Variants in MAGI2 observed in about 807,000 individuals in gnomAD.
MAGI2 encodes membrane associated guanylate kinase, WW and PDZ domain containing 2.
MAGI2 carries 35 observed loss-of-function variants against 133.3 expected under a neutral mutation model. The ratio of observed to expected loss-of-function variants is 0.26; its 90% CI spans 0.20 to 0.35. MAGI2 has a LOEUF of 0.35. Among genes scored for constraint, MAGI2 ranks in the 10% least tolerant of loss-of-function variants. The probability of loss-of-function intolerance (pLI) is 1.00; values close to 1 mark genes in which losing one functional copy is unlikely to be tolerated. For synonymous variants in MAGI2, 729 were observed against 710.6 expected, an observed-to-expected ratio of 1.03 and a Z score of -0.41; for missense variants, 1,636 against 1,863.4, an observed-to-expected ratio of 0.88 and a Z score of 2.25.
chr7:78,230,497 T>A, intron 10 of MAGI2, among the ~76,000 whole-genome samples: 1 of 152,216 alleles, frequency 6.6e-6, no homozygotes, highest in East Asian at 1.9e-4. Context: ...TTTTAGAGAA[T>A]AACTTTCGTC....
Position 78,608,229 on chromosome 7 carries a change from T to A in MAGI2, c.538+18891A>T, listed in dbSNP as rs1216504825. ...TTTCACATCTTTGCTTTGGTGGGGGTGGAGTCATAGCATAACCCTTCAAAT... is the reference window on the plus strand; with the variant it reads ...TTTCACATCTTTGCTTTGGTGGGGGAGGAGTCATAGCATAACCCTTCAAAT... On this transcript the variant is annotated intron_variant, in intron 3 of 21. Coordinates refer to ENST00000354212, the MANE Select transcript of MAGI2 (RefSeq NM_012301.4). Among the ~76,000 whole-genome samples the A allele has an allele frequency of 2.0e-5, 3 of 151,802 alleles. No individual in the cohort carries two copies. The East Asian group carries it at 5.8e-4, about 29-fold the overall frequency.
intron 2 of MAGI2, among the ~76,000 whole-genome samples, chr7:78,655,454 CAAAAAAAAA>C: frequency 1.5e-5 from 1 of 64,950 alleles, no homozygotes; most frequent in East Asian, 5.2e-4. Context: ...AAAAAACAAC[CAAAAAAAAA>C]AAAAAAAAAA....
At chr7:78,932,341 T>C (rs1800199415) in intron 2 of MAGI2, among the ~76,000 whole-genome samples, 1 of 152,102 alleles carries the variant, frequency 6.6e-6, no homozygotes, top group Admixed American at 6.6e-5. Flanking sequence ...CTTATATTTT[T>C]CTATAGCACA....
At chr7:78,743,627 A>G (rs908660892) in intron 2 of MAGI2, among the ~76,000 whole-genome samples, 1 of 152,166 alleles carries the variant, frequency 6.6e-6, no homozygotes, top group Non-Finnish European at 1.5e-5. Flanking sequence ...AGACTGTAAT[A>G]TAATATCTGT....
intron 2 of MAGI2, among the ~76,000 whole-genome samples, chr7:78,819,640 G>C (rs1286392105): frequency 6.6e-6 from 1 of 152,030 alleles, no homozygotes; most frequent in Non-Finnish European, 1.5e-5. Flanking sequence ...ATGTGTATGT[G>C]TGTGTGTGCA....
chr7:78,745,533 A>T lies in MAGI2; in HGVS notation c.419-118294T>A, dbSNP rs189920130. On this transcript the variant is annotated intron_variant, in intron 2 of 21. Transcript: ENST00000354212. The stretch of plus-strand genomic sequence containing the variant: ...ATTGAAATATAGTTGATCTTGATTT[A>T]AAAAAAAAAACAACAACAACGTTAT... Among the ~76,000 whole-genome samples, 577 of 146,304 alleles carry T rather than the reference A, an allele frequency of 3.9e-3. 4 individuals carry two copies. Among genetic ancestry groups the T allele is most frequent in the African/African-American group, 0.013 (504 of 39,984 alleles).
intron 21 of MAGI2, among the ~76,000 whole-genome samples, chr7:78,037,052 G>C (rs914175500): frequency 6.6e-6 from 1 of 152,146 alleles, no homozygotes; most frequent in Admixed American, 6.5e-5. Context: ...AGAGAACCTG[G>C]TAGATCTGCC....
intron 1 of MAGI2, among the ~76,000 whole-genome samples, chr7:79,398,525 G>A (rs1032276825): frequency 6.6e-6 from 1 of 152,176 alleles, no homozygotes; most frequent in African/African-American, 2.4e-5. Context: ...AAGAATAATT[G>A]AACAGTGTAA....
intron 4 of MAGI2, among the ~76,000 whole-genome samples, chr7:78,507,280 A>C (rs1014742438): frequency 1.3e-5 from 2 of 152,218 alleles, no homozygotes; most frequent in Non-Finnish European, 2.9e-5. Context: ...ACCTAGGGAT[A>C]CGGTTTAATG....
At chr7:78,465,224 T>C (rs991936231) in intron 6 of MAGI2, among the ~76,000 whole-genome samples, 1 of 152,176 alleles carries the variant, frequency 6.6e-6, no homozygotes, top group African/African-American at 2.4e-5. Context: ...TTTGTACTGA[T>C]ATGAGCAGGT....
intron 7 of MAGI2, among the ~76,000 whole-genome samples, chr7:78,366,207 G>C (rs145115101): frequency 1.1e-3 from 167 of 152,100 alleles, no homozygotes; most frequent in African/African-American, 3.9e-3. Context: ...AAAAGATATT[G>C]CTTGTTATAT....
At chr7:78,725,086 G>A (rs1403956495) in intron 2 of MAGI2, among the ~76,000 whole-genome samples, 2 of 152,136 alleles carry the variant, frequency 1.3e-5, no homozygotes, top group Admixed American at 1.3e-4. Flanking sequence ...TTAAAACAAC[G>A]TTGCATTTTT....
intron 2 of MAGI2, among the ~76,000 whole-genome samples, chr7:78,701,913 G>C (rs1050016582): frequency 6.6e-6 from 1 of 151,918 alleles, no homozygotes; most frequent in Non-Finnish European, 1.5e-5. Context: ...GTTTCAATGA[G>C]CAACAAATGT....
At chr7:79,186,191 A>AATAT (rs60719172) in intron 1 of MAGI2, among the ~76,000 whole-genome samples, 250 of 111,518 alleles carry the variant, frequency 2.2e-3, no homozygotes, top group South Asian at 6.6e-3. Context: ...TGCCTGGGAA[A>AATAT]ATATATATAT....
At position 79,451,302 on chromosome 7, in the gene MAGI2, A is replaced by G. The variant is rs558121034; in HGVS notation, c.301+1718T>C. Among the ~76,000 whole-genome samples, 411 of 152,344 alleles carry G rather than the reference A, an allele frequency of 2.7e-3. 3 individuals carry two copies. Among genetic ancestry groups the G allele is most frequent in the Non-Finnish European group, 4.7e-3 (323 of 68,028 alleles). On this transcript the variant is annotated intron_variant, in intron 1 of 21. Coordinates refer to ENST00000354212, the MANE Select transcript of MAGI2 (RefSeq NM_012301.4). ...CATGACAAATATCAAGCATTTGGCC[A>G]ACAAAACCATGGTCATTAGTTGTGT...
At chr7:79,168,889 G>GATAGATATATAT (rs1396243710) in intron 1 of MAGI2, among the ~76,000 whole-genome samples, 18 of 14,570 alleles carry the variant, frequency 1.2e-3, no homozygotes, top group Non-Finnish European at 3.8e-3. Flanking sequence ...TCTAAAGATA[G>GATAGATATATAT]ATATATATAT....
intron 1 of MAGI2, among the ~76,000 whole-genome samples, chr7:79,306,835 G>A (rs148050327): frequency 0.011 from 1,624 of 149,310 alleles, 33 homozygotes; most frequent in African/African-American, 0.039. Flanking sequence ...TTTTTTTTGA[G>A]ATGGAGTCTA....
intron 16 of MAGI2, among the ~76,000 whole-genome samples, chr7:78,156,425 A>C (rs960321547): frequency 6.6e-6 from 1 of 152,194 alleles, no homozygotes; most frequent in Non-Finnish European, 1.5e-5. Context: ...TAAACTCTGC[A>C]CTACTCGACA....
chr7:79,312,198 A>G (rs1191100032), intron 1 of MAGI2, among the ~76,000 whole-genome samples: 1 of 152,192 alleles, frequency 6.6e-6, no homozygotes, highest in Non-Finnish European at 1.5e-5. Context: ...ATGTCAATCA[A>G]TCCAAGCTGA....
Sources: gnomAD v4.1 joint callset for allele counts (sites outside exome capture counted in the v4.1 genomes callset) on GRCh38, gnomAD v4.1.1 for gene constraint, MANE v1.5 for transcripts, NCBI Gene and HGNC (gene_info 2026-07-23, HGNC 2026-07-21) for gene names.